The following ADAM12 variants were observed in gnomAD, a reference collection of about 807,000 sequenced individuals.
The protein encoded by ADAM12 is disintegrin and metalloproteinase domain-containing protein 12.
In ADAM12, 70 loss-of-function variants were observed where a neutral mutation model predicts 106.4. The ratio of observed to expected loss-of-function variants is 0.66; its 90% CI spans 0.54 to 0.80. The LOEUF (loss-of-function observed/expected upper bound fraction) is 0.80. Among genes scored for constraint, ADAM12 ranks in the 30% least tolerant of loss-of-function variants. The pLI is 0.00. For missense variants in ADAM12, 1,010 were observed against 1,171.9 expected (o/e 0.86, Z 2.02); for synonymous variants, 420 against 433.5 (o/e 0.97, Z 0.39).
chr10:126,249,516 C>T (rs10901573), intron 3 of ADAM12, among the ~76,000 whole-genome samples: 3 of 152,068 alleles, frequency 2.0e-5, no homozygotes, highest in African/African-American at 4.8e-5. Flanking sequence ...TGGCTAACAC[C>T]GTGAAACCCG....
chr10:126,049,286 A>G lies in ADAM12; in HGVS notation c.1884T>C (p.Leu628=), dbSNP rs199708604. Residue 628 remains leucine (L), a synonymous_variant, in exon 16 of 23, where the codon CTT becomes CTC. Transcript: ENST00000448723. This position sits in a 1 kb window ranked among gnomAD's most constrained non-coding sequence, Gnocchi z 4.4. ...CTGCACACTTTGTGCCTGCAAGCAC[A>G]AGCCCTGGGTCCGGCATGTCATCGC... ...YLGDDMPDPG[L]VLAGTKCADG... 53 of 1,614,256 alleles carry G rather than the reference A, an allele frequency of 3.3e-5. 1 individual carries two copies. The highest frequency in any genetic ancestry group is 2.8e-4 in the African/African-American group (21 of 75,076).
At chr10:126,359,243 G>T (rs1304676067) in intron 1 of ADAM12, among the ~76,000 whole-genome samples, 1 of 152,060 alleles carries the variant, frequency 6.6e-6, no homozygotes, top group Admixed American at 6.5e-5. Flanking sequence ...CTATCATTCT[G>T]CCCCTGGCTC....
chr10:126,164,105 G>C (rs1477661423), intron 3 of ADAM12, among the ~76,000 whole-genome samples: 6 of 152,102 alleles, frequency 3.9e-5, no homozygotes, highest in Non-Finnish European at 5.9e-5. Context: ...TTAAATGAGG[G>C]AAACAGGGAA....
At chr10:126,116,445 A>C (rs1158444787) in intron 6 of ADAM12, among the ~76,000 whole-genome samples, 1 of 152,166 alleles carries the variant, frequency 6.6e-6, no homozygotes, top group Non-Finnish European at 1.5e-5. Flanking sequence ...GCTGATCTTT[A>C]AATCCACCAC....
chr10:126,275,031 T>A (rs1322479338), intron 3 of ADAM12, among the ~76,000 whole-genome samples: 2 of 152,202 alleles, frequency 1.3e-5, no homozygotes, highest in Non-Finnish European at 2.9e-5. Context: ...AGTTATTCTA[T>A]CCCAGAGATA....
intron 4 of ADAM12, among the ~76,000 whole-genome samples, chr10:126,146,012 GT>G (rs1306984937): frequency 6.6e-6 from 1 of 152,204 alleles, no homozygotes; most frequent in East Asian, 1.9e-4. Context: ...ATAGAAAGAT[GT>G]TTTAGAAGGA....
At chr10:126,362,178 A>G (rs1038193101) in intron 1 of ADAM12, among the ~76,000 whole-genome samples, 2 of 152,220 alleles carry the variant, frequency 1.3e-5, no homozygotes, top group Non-Finnish European at 2.9e-5. Flanking sequence ...CAACAGATAT[A>G]TGAAAAAAAG....
At chr10:126,314,116 C>G (rs895905077) in intron 2 of ADAM12, among the ~76,000 whole-genome samples, 2 of 152,080 alleles carry the variant, frequency 1.3e-5, no homozygotes, top group Non-Finnish European at 2.9e-5. Context: ...AGATGAGAAG[C>G]CAAGTGTGGA....
At chr10:126,035,481 CTG>C (rs1478765722) in intron 21 of ADAM12, among the ~76,000 whole-genome samples, 11 of 152,084 alleles carry the variant, frequency 7.2e-5, no homozygotes, top group East Asian at 1.9e-4. Context: ...GCATATAAAA[CTG>C]TGTACAAATA....
chr10:126,295,727 T>C (rs1960346131), intron 2 of ADAM12, among the ~76,000 whole-genome samples: 1 of 152,208 alleles, frequency 6.6e-6, no homozygotes, highest in Non-Finnish European at 1.5e-5. Flanking sequence ...GCACACTCTT[T>C]TGTCCCCAAT....
At chr10:126,137,865 G>T (rs1565087533) in intron 4 of ADAM12, among the ~76,000 whole-genome samples, 1 of 152,198 alleles carries the variant, frequency 6.6e-6, no homozygotes, top group Non-Finnish European at 1.5e-5. Context: ...TTTTTGTAAG[G>T]ATGTGTTTCC....
intron 1 of ADAM12, among the ~76,000 whole-genome samples, chr10:126,357,660 CT>C (rs1401994683): frequency 6.6e-6 from 1 of 152,148 alleles, no homozygotes; most frequent in Non-Finnish European, 1.5e-5. Context: ...ACAAATCCTT[CT>C]TTACATGGCA....
intron 21 of ADAM12, among the ~76,000 whole-genome samples, chr10:126,025,469 T>G (rs761816430): frequency 6.6e-6 from 1 of 151,854 alleles, no homozygotes; most frequent in Non-Finnish European, 1.5e-5. Flanking sequence ...TGAAATAAGA[T>G]GGGCAGACAA....
chr10:126,255,683 T>C (rs1958877327), intron 3 of ADAM12, among the ~76,000 whole-genome samples: 1 of 152,226 alleles, frequency 6.6e-6, no homozygotes, highest in African/African-American at 2.4e-5. Context: ...GACTTCGTCT[T>C]ACCTTTCTTT....
intron 3 of ADAM12, among the ~76,000 whole-genome samples, chr10:126,269,630 GA>G (rs1254638274): frequency 2.0e-5 from 3 of 152,146 alleles, no homozygotes; most frequent in Non-Finnish European, 4.4e-5. Context: ...GACCTCCTGG[GA>G]AGAGCCAGGA....
chr10:126,286,132 G>A (rs1959848568), intron 2 of ADAM12, among the ~76,000 whole-genome samples: 1 of 152,090 alleles, frequency 6.6e-6, no homozygotes, highest in Non-Finnish European at 1.5e-5. Flanking sequence ...GTTGTAGGGT[G>A]CTCATTATTT....
At chr10:126,348,489 A>G (rs1016960034) in intron 1 of ADAM12, among the ~76,000 whole-genome samples, 4 of 152,178 alleles carry the variant, frequency 2.6e-5, no homozygotes, top group Non-Finnish European at 5.9e-5. Context: ...TGCTCTGCCT[A>G]TACAATGTGG....
intron 3 of ADAM12, among the ~76,000 whole-genome samples, chr10:126,192,132 G>C (rs7895995): frequency 0.27 from 41,253 of 152,020 alleles, 7,331 homozygotes; most frequent in East Asian, 0.51. Flanking sequence ...ATAAGATTTG[G>C]GTGGGGACAC....
At chr10:126,252,686 A>T (rs1958811115) in intron 3 of ADAM12, among the ~76,000 whole-genome samples, 2 of 151,778 alleles carry the variant, frequency 1.3e-5, no homozygotes, top group South Asian at 4.2e-4. Context: ...GATCTTTCTT[A>T]CTCAGTTCAC....
Sources: gnomAD v4.1 joint callset for allele counts (sites outside exome capture counted in the v4.1 genomes callset) on GRCh38, gnomAD v4.1.1 for gene constraint, Gnocchi (gnomAD v3.1) non-coding constraint, MANE v1.5 for transcripts, NCBI Gene and HGNC (gene_info 2026-07-23, HGNC 2026-07-21) for gene names.